EFR3B: variants seen among roughly 807,000 people sequenced by gnomAD.
EFR3B encodes the protein EFR3 homolog B.
A neutral mutation model predicts 104.7 loss-of-function variants in EFR3B; 64 were observed. The observed-to-expected ratio is 0.61, with a 90% CI of 0.50 to 0.75. EFR3B has a LOEUF of 0.75. EFR3B is among the 30% of genes least tolerant of loss of function. The pLI, the probability that EFR3B is intolerant of heterozygous loss-of-function variation, is 0.00. For synonymous variants in EFR3B, 385 were observed against 417.9 expected, an observed-to-expected ratio of 0.92 and a Z score of 0.96; for missense variants, 750 against 1,078.5, an observed-to-expected ratio of 0.70 and a Z score of 4.27.
intron 4 of EFR3B, among the ~76,000 whole-genome samples, chr2:25,104,209 C>T (rs1669503541): frequency 6.6e-6 from 1 of 151,584 alleles, no homozygotes; most frequent in African/African-American, 2.4e-5. Flanking sequence ...AAAACAAAAA[C>T]AAAAATTAGC....
intron 4 of EFR3B, among the ~76,000 whole-genome samples, chr2:25,118,360 C>T (rs1483021960): frequency 1.3e-5 from 2 of 152,192 alleles, no homozygotes; most frequent in Non-Finnish European, 2.9e-5. Context: ...TTTTACTGAG[C>T]ATAATGTCTT....
At chr2:25,045,034 C>T (rs1296030731) in intron 1 of EFR3B, among the ~76,000 whole-genome samples, 1 of 152,204 alleles carries the variant, frequency 6.6e-6, no homozygotes, top group African/African-American at 2.4e-5. Flanking sequence ...AAGTGAAACG[C>T]ATGTCTGTCT....
In EFR3B at chr2:25,042,849, C is replaced by T. The variant is rs1022872179; in HGVS notation, c.7+530C>T. ...TGGACTCGGCCTCTGCCTGCCCCTG[C>T]CGCCCCGCGGGATCCAGGTTCACCA... On this transcript the variant is annotated intron_variant, in intron 1 of 22. Transcript: ENST00000403714. This position sits in a 1 kb window ranked among gnomAD's most constrained non-coding sequence, Gnocchi z 5.4. Among the ~76,000 whole-genome samples, 1 of 152,096 alleles carries T rather than the reference C, an allele frequency of 6.6e-6. No homozygotes were observed. Among genetic ancestry groups the T allele is most frequent in the Non-Finnish European group, 1.5e-5 (1 of 68,012 alleles).
chr2:25,059,806 C>T (rs927198023), intron 1 of EFR3B, among the ~76,000 whole-genome samples: 1 of 137,620 alleles, frequency 7.3e-6, no homozygotes, highest in African/African-American at 2.8e-5. Flanking sequence ...ACCCAGGAGG[C>T]AGAGGTTGTG....
intron 1 of EFR3B, among the ~76,000 whole-genome samples, chr2:25,077,238 C>A (rs1204786069): frequency 6.6e-6 from 1 of 152,046 alleles, no homozygotes; most frequent in Non-Finnish European, 1.5e-5. Flanking sequence ...TTAAATAAAT[C>A]AGGATCCAGT....
intron 2 of EFR3B, among the ~76,000 whole-genome samples, chr2:25,092,353 C>A (rs775536054): frequency 1.3e-5 from 2 of 151,238 alleles, no homozygotes; most frequent in Non-Finnish European, 2.9e-5. Context: ...CAGGCGTGAG[C>A]CACCACACCC....
rs188585354 is a variant in EFR3B at position 25,051,294 on chromosome 2, A to G, written c.7+8975A>G. 7.9e-5 allele frequency among the ~76,000 whole-genome samples: 12 copies of G among 151,632 alleles called. No individual in the cohort carries two copies. The East Asian group carries it at 2.1e-3, about 27-fold the overall frequency. ...GTCTGGCTAATTTTTTTGTATTTTT[A>G]GTAGAGATGGGGGTTTCACCCTGTT... On this transcript the variant is annotated intron_variant, in intron 1 of 22. Coordinates refer to ENST00000403714, the MANE Select transcript of EFR3B (RefSeq NM_014971.2).
At chr2:25,053,923 A>G (rs1214600184) in intron 1 of EFR3B, among the ~76,000 whole-genome samples, 1 of 152,164 alleles carries the variant, frequency 6.6e-6, no homozygotes, top group Non-Finnish European at 1.5e-5. Context: ...AAACAAAACC[A>G]AAAAACACAC....
chr2:25,154,513 A>C lies in EFR3B; in HGVS notation c.*173A>C. The C allele has an allele frequency of 3.4e-6, 2 of 587,272 alleles. No homozygotes were observed. Among genetic ancestry groups the C allele is most frequent in the South Asian group, 2.3e-5 (1 of 44,406 alleles). The allele number at this position is 587,272 out of a possible 1,614,324, so 36.4% of individuals were successfully genotyped here. ...CTCTCTGGTCCTTCTTGGCCCTCCT[A>C]CCTCCTCCTCGTCTTCCCTGAGGGA... is the stretch of plus-strand genomic sequence containing the variant. On this transcript the variant is annotated 3_prime_UTR_variant, in exon 23 of 23. Transcript: ENST00000403714. This position sits in a 1 kb window ranked among gnomAD's most constrained non-coding sequence, Gnocchi z 4.1.
intron 1 of EFR3B, among the ~76,000 whole-genome samples, chr2:25,069,099 G>T (rs1273397771): frequency 6.6e-6 from 1 of 151,430 alleles, no homozygotes; most frequent in Non-Finnish European, 1.5e-5. Context: ...GTAGAGATGG[G>T]GTTTCACCAT....
intron 19 of EFR3B, 104 bp from the exon 20 acceptor site, chr2:25,149,590 C>T: frequency 8.1e-7 from 1 of 1,236,600 alleles, no homozygotes; most frequent in Non-Finnish European, 1.2e-6. Flanking sequence ...CCCACTGGGA[C>T]TTTCTTCCAA....
Position 25,157,939 on chromosome 2 carries a change from A to G in EFR3B, c.*3599A>G, listed in dbSNP as rs1235691993. 6.6e-6 allele frequency: 1 copy of G among 152,424 alleles called. No homozygotes were observed. Among genetic ancestry groups the G allele is most frequent in the East Asian group, 1.9e-4 (1 of 5,210 alleles). The allele number at this position is 152,424 out of a possible 1,614,324, so 9.4% of individuals were successfully genotyped here. On this transcript the variant is annotated 3_prime_UTR_variant, in exon 23 of 23. Transcript: ENST00000403714. Reference sequence around the variant, plus strand: ...CCAGCCCCCTTTCCCATACACAGATATCAATGGATGAGCAGGAAAAGAGGA... The same window carrying G: ...CCAGCCCCCTTTCCCATACACAGATGTCAATGGATGAGCAGGAAAAGAGGA...
intron 1 of EFR3B, among the ~76,000 whole-genome samples, chr2:25,068,018 C>A (rs972747887): frequency 4.6e-5 from 7 of 152,030 alleles, no homozygotes; most frequent in African/African-American, 1.7e-4. Context: ...AGGCTGTTTC[C>A]AAACAAAGGC....
rs1013284079 is a variant in EFR3B, at chr2:25,065,208, T to C, written c.7+22889T>C. On this transcript the variant is annotated intron_variant, in intron 1 of 22. Coordinates refer to ENST00000403714, the MANE Select transcript of EFR3B (RefSeq NM_014971.2). ...AATATTTATTTATTTTGAGACAAGGTCTCGCTCTGTCACCCCAGTAGGAAT... is the reference window on the plus strand; with the variant it reads ...AATATTTATTTATTTTGAGACAAGGCCTCGCTCTGTCACCCCAGTAGGAAT... 1.2e-4 allele frequency among the ~76,000 whole-genome samples: 19 copies of C among 152,260 alleles called. No homozygotes were observed. The East Asian group carries it at 3.5e-3, about 28-fold the overall frequency.
Position 25,137,613 on chromosome 2 carries a change from C to A in EFR3B, c.1722+111C>A. ...CAACTGCTTAACACTGTTTTGGAGC[C>A]CAGGAATATTGTACTCGTGGTTGGC... On this transcript the variant is annotated intron_variant, in intron 15 of 22. Coordinates refer to ENST00000403714, the MANE Select transcript of EFR3B (RefSeq NM_014971.2). The surrounding 1 kb of genome is among the most constrained non-coding windows in gnomAD (Gnocchi z 4.7). 6.9e-7 allele frequency: 1 copy of A among 1,449,900 alleles called. No homozygotes were observed. Among genetic ancestry groups the A allele is most frequent in the East Asian group, 2.5e-5 (1 of 40,046 alleles). The allele number at this position is 1,449,900 out of a possible 1,614,324, so 89.8% of individuals were successfully genotyped here.
At chr2:25,140,232 G>A (rs1201690545) in intron 16 of EFR3B, among the ~76,000 whole-genome samples, 1 of 152,182 alleles carries the variant, frequency 6.6e-6, no homozygotes, top group Non-Finnish European at 1.5e-5. Context: ...AGAATCGCTT[G>A]AACCTGGGAG....
chr2:25,110,131 A>C (rs1573209520), intron 4 of EFR3B, among the ~76,000 whole-genome samples: 1 of 149,868 alleles, frequency 6.7e-6, no homozygotes, highest in Non-Finnish European at 1.5e-5. Flanking sequence ...ACGAGATCTC[A>C]CCTCCCTGGG....
At chr2:25,128,960 CAAAAAAAAAAAAAAAAAAAAAAAAAA>C (rs1170505822) in intron 6 of EFR3B, among the ~76,000 whole-genome samples, 4 of 26,688 alleles carry the variant, frequency 1.5e-4, no homozygotes, top group South Asian at 2.0e-3. Context: ...GACTCCGTCT[CAAAAAAAAAAAAAAAAAAAAAAAAAA>C]AAAAAAAAAA....
chr2:25,055,270 T>C (rs1269125591), intron 1 of EFR3B, among the ~76,000 whole-genome samples: 1 of 152,218 alleles, frequency 6.6e-6, no homozygotes, highest in Admixed American at 6.5e-5. Context: ...AAACAGCAAA[T>C]TTCACTATTA....
Sources: allele counts gnomAD v4.1 joint callset (sites outside exome capture counted in the v4.1 genomes callset), GRCh38; gene constraint gnomAD v4.1.1; non-coding constraint Gnocchi (gnomAD v3.1); transcripts MANE v1.5; gene names NCBI Gene and HGNC (gene_info 2026-07-23, HGNC 2026-07-21).